Variants in PAX7 observed in about 807,000 individuals in gnomAD.
PAX7 encodes paired box 7.
Under a neutral mutation model 50.7 loss-of-function variants are expected in PAX7, and 18 were observed. The observed-to-expected ratio is 0.36, with a 90% CI of 0.25 to 0.53. PAX7 has a LOEUF of 0.53. Ranked by LOEUF, PAX7 falls within the 20% of genes least tolerant of loss-of-function variation. The pLI, the probability that PAX7 is intolerant of heterozygous loss-of-function variation, is 0.93. For missense variants in PAX7, 644 were observed against 702.9 expected (o/e 0.92, Z 0.95); for synonymous variants, 310 against 290.4 (o/e 1.07, Z -0.69).
chr1:18,740,498 G>T (rs763161863), intron 8 of PAX7, among the ~76,000 whole-genome samples: 1 of 152,246 alleles, frequency 6.6e-6, no homozygotes, highest in Non-Finnish European at 1.5e-5. Context: ...CTCATTTATA[G>T]AAGGAGAACG....
At chr1:18,650,639 GC>G (rs1267106556) in intron 4 of PAX7, among the ~76,000 whole-genome samples, 1 of 152,182 alleles carries the variant, frequency 6.6e-6, no homozygotes, top group Non-Finnish European at 1.5e-5. Context: ...CATTCTGATG[GC>G]CTCCCCAGCA....
intron 5 of PAX7, among the ~76,000 whole-genome samples, chr1:18,693,144 G>C (rs959359258): frequency 6.6e-6 from 1 of 152,144 alleles, no homozygotes; most frequent in African/African-American, 2.4e-5. Flanking sequence ...GGCATAGAGA[G>C]AGGGGAAAGA....
chr1:18,638,741 A>G (rs773116646), intron 4 of PAX7, among the ~76,000 whole-genome samples: 2 of 152,170 alleles, frequency 1.3e-5, no homozygotes, highest in Non-Finnish European at 2.9e-5. Context: ...GGTGCAGATG[A>G]GAGAGGGCCA....
rs368244838 is a variant in PAX7, at chr1:18,665,547, T to G, written c.587-26207T>G. ...CGTGCCACCACACCCAGCTAATTTT[T>G]GTATGTTTAGTAGAGATGGGGCTTA... On this transcript the variant is annotated intron_variant, in intron 4 of 8. Coordinates refer to ENST00000420770, the MANE Select transcript of PAX7 (RefSeq NM_001135254.2). Among the ~76,000 whole-genome samples, 3 of 152,120 alleles carry G rather than the reference T, an allele frequency of 2.0e-5. No individual in the cohort carries two copies. The East Asian group carries it at 5.8e-4, about 29-fold the overall frequency.
chr1:18,641,941 C>A (rs2088262036), intron 4 of PAX7, among the ~76,000 whole-genome samples: 1 of 138,350 alleles, frequency 7.2e-6, no homozygotes, highest in South Asian at 2.3e-4. Context: ...CAGCGTTAAA[C>A]CCGGATTAAC....
At chr1:18,673,306 A>G (rs2088778997) in intron 4 of PAX7, among the ~76,000 whole-genome samples, 1 of 152,190 alleles carries the variant, frequency 6.6e-6, no homozygotes, top group Non-Finnish European at 1.5e-5. Flanking sequence ...GACACCCGTT[A>G]CCACTGTTTT....
intron 4 of PAX7, among the ~76,000 whole-genome samples, chr1:18,684,952 C>T (rs776694355): frequency 1.3e-5 from 2 of 152,146 alleles, no homozygotes; most frequent in African/African-American, 4.8e-5. Flanking sequence ...TCCTGGTCCT[C>T]TGTGAGCTGG....
intron 5 of PAX7, among the ~76,000 whole-genome samples, chr1:18,693,389 A>G (rs573882518): frequency 1.3e-5 from 2 of 152,294 alleles, no homozygotes; most frequent in East Asian, 3.9e-4. Flanking sequence ...CAGAAACTGG[A>G]AGTTCAGAGA....
chr1:18,632,620 G>A lies in PAX7; in HGVS notation c.85+932G>A, dbSNP rs1288363341. 6.6e-6 allele frequency among the ~76,000 whole-genome samples: 1 copy of A among 150,882 alleles called. No individual in the cohort carries two copies. Among genetic ancestry groups the A allele is most frequent in the Non-Finnish European group, 1.5e-5 (1 of 67,808 alleles). ...GGTAGGTAGCCTAGGGTGTCACAGA[G>A]AAGTCATTAGAAATATGTGCGACTT... On this transcript the variant is annotated intron_variant, in intron 1 of 8. Transcript: ENST00000420770. This position sits in a 1 kb window ranked among gnomAD's most constrained non-coding sequence, Gnocchi z 6.3.
chr1:18,710,592 T>C (rs1009940946), intron 7 of PAX7, among the ~76,000 whole-genome samples: 2 of 152,004 alleles, frequency 1.3e-5, no homozygotes, highest in South Asian at 2.1e-4. Context: ...GAGAAAATTA[T>C]GTGCAATTAC....
At chr1:18,657,539 CTCT>C (rs1451404951) in intron 4 of PAX7, among the ~76,000 whole-genome samples, 3 of 152,158 alleles carry the variant, frequency 2.0e-5, no homozygotes, top group Non-Finnish European at 4.4e-5. Context: ...TAAGAAGCTC[CTCT>C]TCTTAGCCCG....
intron 8 of PAX7, among the ~76,000 whole-genome samples, chr1:18,744,536 T>G (rs1241588156): frequency 1.2e-5 from 1 of 82,396 alleles, no homozygotes; most frequent in Admixed American, 1.2e-4. Context: ...GATGGATAGA[T>G]GGACAGAATG....
chr1:18,706,462 T>C (rs1231136973), intron 7 of PAX7, among the ~76,000 whole-genome samples: 13 of 43,112 alleles, frequency 3.0e-4, no homozygotes, highest in Middle Eastern at 0.02. Context: ...CTCTCTCTCT[T>C]TTTTTTTTTT....
rs1406031828 is a variant in PAX7, at chr1:18,744,800, C to T, written c.1403-14C>T. ...AGAACCTCAATTTCTAGGAGAGTCT[C>T]TTCTTTTTTCCAGCTGCTGTTGATT... is the stretch of plus-strand genomic sequence containing the variant. On this transcript the variant is annotated splice_polypyrimidine_tract_variant and intron_variant, in intron 8 of 8. Transcript: ENST00000420770. The T allele has an allele frequency of 6.6e-7, 1 of 1,506,168 alleles. No homozygotes were observed. Among genetic ancestry groups the T allele is most frequent in the Admixed American group, 2.0e-5 (1 of 50,958 alleles). 93.3% of individuals were successfully genotyped at this position (1,506,168 alleles called of 1,614,324 possible).
At position 18,695,054 on chromosome 1, in the gene PAX7, T is replaced by G. The variant is rs938390923; in HGVS notation, c.786+3101T>G. Among the ~76,000 whole-genome samples, 8 of 152,210 alleles carry G rather than the reference T, an allele frequency of 5.3e-5. No individual in the cohort carries two copies. In the South Asian group the frequency reaches 6.2e-4, roughly 12 times the overall value. On this transcript the variant is annotated intron_variant, in intron 5 of 8. Coordinates refer to ENST00000420770, the MANE Select transcript of PAX7 (RefSeq NM_001135254.2). ...CATCTCAGTGGACCTGGCAGATGGGTGGGTTAGTGGATTGGTTCAGGGTAG... is the reference window on the plus strand; with the variant it reads ...CATCTCAGTGGACCTGGCAGATGGGGGGGTTAGTGGATTGGTTCAGGGTAG...
Position 18,700,947 on chromosome 1 carries a change from A to C in PAX7, c.952+129A>C. ...TTCATGTAAGCAGGCTATTGAGAGC[A>C]AAAAGATGCAATCCTGCCCTTGAAA... is the stretch of plus-strand genomic sequence containing the variant. On this transcript the variant is annotated intron_variant, in intron 6 of 8. Coordinates refer to ENST00000420770, the MANE Select transcript of PAX7 (RefSeq NM_001135254.2). The surrounding 1 kb of genome is among the most constrained non-coding windows in gnomAD (Gnocchi z 4.8). 1 of 909,812 alleles carries C rather than the reference A, an allele frequency of 1.1e-6. No individual in the cohort carries two copies. Among genetic ancestry groups the C allele is most frequent in the Non-Finnish European group, 1.5e-6 (1 of 650,266 alleles). 56.4% of individuals were successfully genotyped at this position (909,812 alleles called of 1,614,324 possible).
chr1:18,637,034 G>A (rs932404158), intron 4 of PAX7, among the ~76,000 whole-genome samples: 1 of 152,112 alleles, frequency 6.6e-6, no homozygotes. Flanking sequence ...CAGGGTCGGA[G>A]GATCGCAGTG....
chr1:18,689,184 C>T (rs1377172467), intron 4 of PAX7, among the ~76,000 whole-genome samples: 1 of 152,246 alleles, frequency 6.6e-6, no homozygotes, highest in Non-Finnish European at 1.5e-5. Flanking sequence ...GCCTCGCTGC[C>T]TGCCAGACAA....
At position 18,691,970 on chromosome 1, in the gene PAX7, G is replaced by A. The variant is rs775345532; in HGVS notation, c.786+17G>A. The A allele has an allele frequency of 1.6e-5, 26 of 1,605,404 alleles. No homozygotes were observed. Among genetic ancestry groups the A allele is most frequent in the Middle Eastern group, 1.6e-4 (1 of 6,070 alleles). On this transcript the variant is annotated intron_variant, in intron 5 of 8. Coordinates refer to ENST00000420770, the MANE Select transcript of PAX7 (RefSeq NM_001135254.2). Reference sequence around the variant, plus strand: ...CGTGTGCAGGTGAGGAGGCACCTGCGGTGTCGGTGCTGCAGATATACTCCA... The same window carrying A: ...CGTGTGCAGGTGAGGAGGCACCTGCAGTGTCGGTGCTGCAGATATACTCCA...
Sources: allele counts gnomAD v4.1 joint callset (sites outside exome capture counted in the v4.1 genomes callset), GRCh38; gene constraint gnomAD v4.1.1; non-coding constraint Gnocchi (gnomAD v3.1); transcripts MANE v1.5; gene names NCBI Gene and HGNC (gene_info 2026-07-23, HGNC 2026-07-21).